Variants in CACNA1F observed in about 807,000 individuals in gnomAD.
CACNA1F encodes voltage-dependent L-type calcium channel subunit alpha-1F.
Under a neutral mutation model 143.8 loss-of-function variants are expected in CACNA1F, and 59 were observed. The observed-to-expected ratio is 0.41, with a 90% CI of 0.33 to 0.51. The LOEUF (loss-of-function observed/expected upper bound fraction) is 0.51. Among genes scored for constraint, CACNA1F ranks in the 20% least tolerant of loss-of-function variants. The pLI, the probability that CACNA1F is intolerant of heterozygous loss-of-function variation, is 0.22. For missense variants in CACNA1F, 1,411 were observed against 1,647.5 expected, an observed-to-expected ratio of 0.86 and a Z score of 2.48; for synonymous variants, 643 against 649.1, an observed-to-expected ratio of 0.99 and a Z score of 0.14.
In CACNA1F at chrX:49,228,466, T is replaced by C. The variant is rs782431755; in HGVS notation, c.818-19A>G. 4.3e-6 allele frequency: 5 copies of C among 1,175,336 alleles called. No homozygotes were observed. The South Asian group carries it at 5.6e-5, about 13-fold the overall frequency. Reference sequence around the variant, plus strand: ...TCCATGTCTGCAGGAAGACTGGAGCTTGGGGCTTCGAAGCAGGCCCACTCT... The same window carrying C: ...TCCATGTCTGCAGGAAGACTGGAGCCTGGGGCTTCGAAGCAGGCCCACTCT... On this transcript the variant is annotated intron_variant, in intron 6 of 47. Coordinates refer to ENST00000323022, the MANE Select transcript of CACNA1F (RefSeq NM_001256789.3).
At chrX:49,220,221 G>T (rs2065762469) in intron 19 of CACNA1F, among the ~76,000 whole-genome samples, 1 of 111,924 alleles carries the variant, frequency 8.9e-6, no homozygotes. Context: ...GGGACTACAG[G>T]CTTGCATCAT....
rs782553928 is a variant in CACNA1F at position 49,215,201 on chromosome X, C to A, written c.3482G>T (p.Arg1161Leu). 8.3e-7 allele frequency: 1 copy of A among 1,210,801 alleles called. No homozygotes were observed. Among genetic ancestry groups the A allele is most frequent in the Admixed American group, 2.2e-5 (1 of 45,965 alleles). The stretch of plus-strand genomic sequence containing the variant: ...CTGATGCGGGTTCTTGGGGATGTAA[C>A]GGCGGAGTGGCTGGGCCTTGAGGGC... The part of the protein sequence containing the change: ...EYALKAQPLR[R>L]YIPKNPHQYR... Residue 1161 changes from arginine to leucine, a missense_variant, in exon 29 of 48, where the codon CGT becomes CTT. By Grantham distance (102) the Arg-to-Leu change is moderately radical. Coordinates refer to ENST00000323022, the MANE Select transcript of CACNA1F (RefSeq NM_001256789.3).
rs1602621865 is a variant in CACNA1F at position 49,206,847 on chromosome X, T to C, written c.5240A>G (p.Tyr1747Cys). 1 of 1,202,382 alleles carries C rather than the reference T, an allele frequency of 8.3e-7. No individual in the cohort carries two copies. Among genetic ancestry groups the C allele is most frequent in the East Asian group, 3.0e-5 (1 of 33,699 alleles). ...EDEEVPDRLS[Y>C]LDEQAGTPPC... ...GGGAGTCCCTGCCTGCTCATCTAGGTAGGAAAGCCTGTGTGGGTGGGAGGG... is the reference window on the plus strand; with the variant it reads ...GGGAGTCCCTGCCTGCTCATCTAGGCAGGAAAGCCTGTGTGGGTGGGAGGG... Residue 1747 changes from tyrosine (Y) to cysteine (C), a missense_variant, in exon 45 of 48, where the codon TAC becomes TGC. Transcript: ENST00000323022.
At chrX:49,214,126 C>T (rs1163484019) in intron 30 of CACNA1F, 33 bp downstream of exon 30, 2 of 929,186 alleles carry the variant, frequency 2.2e-6, no homozygotes. Flanking sequence ...GGAATTCATC[C>T]ACTGGTGGGT....
At chrX:49,212,059 TA>T in intron 34 of CACNA1F, 70 bp from the exon 35 acceptor site, 1 of 901,348 alleles carries the variant, frequency 1.1e-6, no homozygotes. Flanking sequence ...TCCTAATACC[TA>T]AAGGAGCCTC....
chrX:49,208,288 A>G (rs782708676), intron 43 of CACNA1F, among the ~76,000 whole-genome samples: 30 of 111,150 alleles, frequency 2.7e-4, no homozygotes, highest in Middle Eastern at 4.2e-3. Context: ...GTTTCACACA[A>G]TGTGCTTTTT....
At chrX:49,209,516 G>A in intron 41 of CACNA1F, 113 bp downstream of exon 41, 8 of 1,116,766 alleles carry the variant, frequency 7.2e-6, no homozygotes, top group Non-Finnish European at 9.8e-6. Flanking sequence ...CGTGAGGCCT[G>A]GGGCCTCAGT....
chrX:49,224,671 G>A, intron 14 of CACNA1F, 90 bp downstream of exon 14: 2 of 603,790 alleles, frequency 3.3e-6, no homozygotes, highest in South Asian at 2.4e-5. Context: ...CTCAATGAAT[G>A]GTGAAGCAGA....
intron 1 of CACNA1F, 166 bp downstream of exon 1, chrX:49,233,119 C>T (rs2065892381): frequency 2.0e-6 from 1 of 503,400 alleles, no homozygotes; most frequent in East Asian, 3.7e-5. Context: ...AGCGTTAGGG[C>T]TCTGGTGGCA....
intron 43 of CACNA1F, among the ~76,000 whole-genome samples, chrX:49,208,197 C>CAAAAAA (rs1182146690): frequency 4.2e-5 from 2 of 47,434 alleles, no homozygotes; most frequent in Non-Finnish European, 7.6e-5. Flanking sequence ...GACTCTGTCT[C>CAAAAAA]AAAAAAAAAA....
rs181872791 is a variant in CACNA1F, at chrX:49,216,589, G to A, written c.3090-61C>T. 2,014 of 1,048,359 alleles carry A rather than the reference G, an allele frequency of 1.9e-3. 1 individual carries two copies. Among genetic ancestry groups the A allele is most frequent in the Non-Finnish European group, 2.5e-3 (1,878 of 762,041 alleles). The allele number at this position is 1,048,359 out of a possible 1,213,427, so 86.4% of individuals were successfully genotyped here. A position where few individuals can be genotyped will look rare whatever the true frequency, so the allele number is the denominator to read the frequency against. On this transcript the variant is annotated intron_variant, in intron 26 of 47. Coordinates refer to ENST00000323022, the MANE Select transcript of CACNA1F (RefSeq NM_001256789.3). Reference sequence around the variant, plus strand: ...GGGTGAGGAACTGGGGAAAGGGTCTGGGGTCTCCAGCATGGAGGCAGCAGG... The same window carrying A: ...GGGTGAGGAACTGGGGAAAGGGTCTAGGGTCTCCAGCATGGAGGCAGCAGG...
rs1307547509 is a variant in CACNA1F, at chrX:49,206,416, AAAAG to A, written c.5472+91_5472+94del. The A allele has an allele frequency of 1.6e-3, 729 of 452,409 alleles. 1 individual carries two copies. Among genetic ancestry groups the A allele is most frequent in the South Asian group, 3.1e-3 (86 of 27,853 alleles). 37.3% of individuals were successfully genotyped at this position (452,409 alleles called of 1,213,427 possible). ...TCAAAAAAAAAAAAAAAAAAAAAAA[AAAAG>A]GGCCTGATATGTGCTGTGTTTGAGA... On this transcript the variant is annotated intron_variant, in intron 46 of 47. Transcript: ENST00000323022.
chrX:49,231,027 G>A, intron 3 of CACNA1F, 38 bp from the exon 4 acceptor site: 1 of 1,116,111 alleles, frequency 9.0e-7, no homozygotes, highest in Non-Finnish European at 1.2e-6. Context: ...GGAAGTCGAG[G>A]AGTTATTTGA....
chrX:49,206,879 G>A, intron 44 of CACNA1F, 24 bp from the exon 45 acceptor site: 3 of 1,197,322 alleles, frequency 2.5e-6, no homozygotes, highest in Non-Finnish European at 3.4e-6. Flanking sequence ...AGGGCCAGGG[G>A]TGAACTTGGG....
intron 35 of CACNA1F, 27 bp from the exon 36 acceptor site, chrX:49,211,508 T>C: frequency 8.5e-7 from 1 of 1,177,464 alleles, no homozygotes; most frequent in Non-Finnish European, 1.2e-6. Flanking sequence ...AGGGGTAGCA[T>C]CCTGAAGGGG....
intron 13 of CACNA1F, 58 bp from the exon 14 acceptor site, chrX:49,225,044 G>C: frequency 1.2e-6 from 1 of 820,895 alleles, no homozygotes; most frequent in Admixed American, 2.5e-5. Context: ...GACATGTGGG[G>C]AGGTAACTAG....
intron 8 of CACNA1F, 68 bp downstream of exon 8, chrX:49,227,968 G>A (rs1440152948): frequency 1.4e-6 from 1 of 734,445 alleles, no homozygotes; most frequent in African/African-American, 2.1e-5. Context: ...ATGTCTAGGA[G>A]TTTGCCAGGC....
In CACNA1F at chrX:49,210,055, A is replaced by G; in HGVS notation, c.4589-13T>C. 2 of 1,142,592 alleles carry G rather than the reference A, an allele frequency of 1.8e-6. No individual in the cohort carries two copies. The highest frequency in any genetic ancestry group is 2.4e-6 in the Non-Finnish European group (2 of 832,651). 94.2% of individuals were successfully genotyped at this position (1,142,592 alleles called of 1,213,427 possible). On this transcript the variant is annotated splice_polypyrimidine_tract_variant and intron_variant, in intron 39 of 47. Coordinates refer to ENST00000323022, the MANE Select transcript of CACNA1F (RefSeq NM_001256789.3). Reference sequence around the variant, plus strand: ...TGCTCCAGGTTCCCTGCGTTGGAGGAGGATGTGGGGCATGAGCCAATAGGA... The same window carrying G: ...TGCTCCAGGTTCCCTGCGTTGGAGGGGGATGTGGGGCATGAGCCAATAGGA...
chrX:49,214,306 C>T (rs1557106933), intron 29 of CACNA1F, 37 bp from the exon 30 acceptor site: 7 of 858,941 alleles, frequency 8.1e-6, no homozygotes, highest in Non-Finnish European at 1.2e-5. Context: ...GAGCCTGAGG[C>T]AGAGATGCCG....
Sources: allele counts gnomAD v4.1 joint callset (sites outside exome capture counted in the v4.1 genomes callset), GRCh38; gene constraint gnomAD v4.1.1; transcripts MANE v1.5; gene names NCBI Gene and HGNC (gene_info 2026-07-23, HGNC 2026-07-21).